The following CRYGS variants were observed in gnomAD, a reference collection of about 807,000 sequenced individuals.
CRYGS encodes the protein gamma-crystallin S.
Under a neutral mutation model 21.3 loss-of-function variants are expected in CRYGS, and 13 were observed. The ratio of observed to expected loss-of-function variants is 0.61; its 90% confidence interval spans 0.40 to 0.97. The LOEUF (loss-of-function observed/expected upper bound fraction) is 0.97, where lower values mean the gene tolerates loss of function less well. Among genes scored for constraint, CRYGS ranks in the 50% least tolerant of loss-of-function variants. The pLI, the probability that CRYGS is intolerant of heterozygous loss-of-function variation, is 0.00. For synonymous variants in CRYGS, 67 were observed against 75.0 expected (o/e 0.89, Z 0.55); for missense variants, 205 against 229.7 (o/e 0.89, Z 0.69).
intron 1 of CRYGS, among the ~76,000 whole-genome samples, chr3:186,542,266 C>T (rs1714087701): frequency 6.6e-6 from 1 of 152,184 alleles, no homozygotes. Context: ...TACTGAGCTC[C>T]AAGACTAAGC....
chr3:186,543,196 G>A (rs779060983), intron 1 of CRYGS, among the ~76,000 whole-genome samples: 8 of 152,032 alleles, frequency 5.3e-5, no homozygotes, highest in Non-Finnish European at 1.2e-4. Context: ...AACAAAAAGG[G>A]TAGAGGGACA....
In CRYGS at chr3:186,539,505, G is replaced by A; in HGVS notation, c.114C>T (p.Asn38=). 1.2e-6 allele frequency: 2 copies of A among 1,613,960 alleles called. No homozygotes were observed. The highest frequency in any genetic ancestry group is 2.2e-5 in the South Asian group (2 of 91,076). The part of the protein sequence containing the change: ...ADFHTYLSRC[N]SIKVEGGTWA... ...AGGTGCCTCCTTCCACTTTAATGGA[G>A]TTGCAGCGACTTAGGTATGTGTGGA... Residue 38 remains asparagine, a synonymous_variant, in exon 2 of 3, where the codon AAC becomes AAT. Transcript: ENST00000307944.
In CRYGS at chr3:186,539,109, A is replaced by G. The variant is rs929318037; in HGVS notation, c.265-141T>C. 44 of 1,142,074 alleles carry G rather than the reference A, an allele frequency of 3.9e-5. 1 individual carries two copies. The highest frequency in any genetic ancestry group is 5.1e-5 in the Non-Finnish European group (41 of 797,986). The allele number at this position is 1,142,074 out of a possible 1,614,324, so 70.7% of individuals were successfully genotyped here. A position where few individuals can be genotyped will look rare whatever the true frequency, so the allele number is the denominator to read the frequency against. ...CTCCCATCTCACCATGTACTGACTA[A>G]AACAGCTAACTTTCAATAAGAAAAA... On this transcript the variant is annotated intron_variant, in intron 2 of 2. Coordinates refer to ENST00000307944, the MANE Select transcript of CRYGS (RefSeq NM_017541.4).
Position 186,538,607 on chromosome 3 carries a change from A to T in CRYGS, c.*89T>A. The T allele has an allele frequency of 6.5e-7, 1 of 1,536,802 alleles. No individual in the cohort carries two copies. Among genetic ancestry groups the T allele is most frequent in the Non-Finnish European group, 9.0e-7 (1 of 1,112,878 alleles). On this transcript the variant is annotated 3_prime_UTR_variant, in exon 3 of 3. Transcript: ENST00000307944. ...GGCATTATAGTCAGCAGTGGGATGC[A>T]TGCCAACTGTTTTATTGATGATGCC...
In CRYGS at chr3:186,544,294, A is replaced by ATG. The variant is rs1714138620; in HGVS notation, c.21+10_21+11dup. On this transcript the variant is annotated intron_variant, in intron 1 of 2. Coordinates refer to ENST00000307944, the MANE Select transcript of CRYGS (RefSeq NM_017541.4). ...AAAAGCGGGTAGGCTAAAAATCAAT[A>ATG]TGACTACTTACCTTGGTTCCAGTTT... The ATG allele has an allele frequency of 6.3e-7, 1 of 1,594,178 alleles. No individual in the cohort carries two copies. Among genetic ancestry groups the ATG allele is most frequent in the African/African-American group, 1.3e-5 (1 of 74,458 alleles).
At chr3:186,539,198 G>A (rs1323761209) in intron 2 of CRYGS, among the ~76,000 whole-genome samples, 157 bp downstream of exon 2, 1 of 152,220 alleles carries the variant, frequency 6.6e-6, no homozygotes, top group South Asian at 2.1e-4. Context: ...AGTCATTCTA[G>A]TGATGAGCTG....
chr3:186,541,980 T>A (rs1209779750), intron 1 of CRYGS, among the ~76,000 whole-genome samples: 3 of 152,254 alleles, frequency 2.0e-5, no homozygotes, highest in African/African-American at 7.2e-5. Flanking sequence ...TTAATTCATA[T>A]GTTCTATTTG....
rs971645842 is a variant in CRYGS, at chr3:186,538,705, A to T, written c.528T>A (p.Ile176=). 24 of 1,614,130 alleles carry T rather than the reference A, an allele frequency of 1.5e-5. No individual in the cohort carries two copies. The highest frequency in any genetic ancestry group is 2.0e-5 in the Non-Finnish European group (24 of 1,180,000). The change falls in exon 3 of 3, where the codon ATT becomes ATA. Residue 176 remains isoleucine, a synonymous_variant. Transcript: ENST00000307944. ...ASPAVQSFRR[I]VE ...GGCCCCATTCATGTCATTACTCCACAATGCGGCGGAAAGACTGGACAGCTG... is the reference window on the plus strand; with the variant it reads ...GGCCCCATTCATGTCATTACTCCACTATGCGGCGGAAAGACTGGACAGCTG...
intron 1 of CRYGS, 165 bp from the exon 2 acceptor site, chr3:186,539,762 T>G: frequency 1.3e-6 from 1 of 761,132 alleles, no homozygotes; most frequent in Non-Finnish European, 2.1e-6. Context: ...GACAGACAAC[T>G]TCAGTTGTCA....
Position 186,539,565 on chromosome 3 carries a change from G to A in CRYGS, c.54C>T (p.Gly18=). Residue 18 remains glycine, a synonymous_variant, in exon 2 of 3, where the codon GGC becomes GGT. Coordinates refer to ENST00000307944, the MANE Select transcript of CRYGS (RefSeq NM_017541.4). ...AGTCGCAATCACAGTCATAGCGACG[G>A]CCTTGAAAATTTTTGTCTTCATAGA... is the stretch of plus-strand genomic sequence containing the variant. ...ITFYEDKNFQ[G]RRYDCDCDCA... 6.2e-7 allele frequency: 1 copy of A among 1,614,112 alleles called. No individual in the cohort carries two copies. The highest frequency in any genetic ancestry group is 8.5e-7 in the Non-Finnish European group (1 of 1,180,010).
intron 1 of CRYGS, chr3:186,540,293 T>C (rs1056119735): frequency 6.6e-6 from 1 of 152,624 alleles, no homozygotes; most frequent in African/African-American, 2.4e-5. Context: ...CTGAAAAATA[T>C]GCAGCCCTGT....
rs778788872 is a variant in CRYGS at position 186,538,961 on chromosome 3, C to A, written c.272G>T (p.Gly91Val). The A allele has an allele frequency of 3.1e-6, 5 of 1,613,850 alleles. No homozygotes were observed. The African/African-American group carries it at 6.7e-5, about 22-fold the overall frequency. ...AAAGATCTGAATCTTATACTGGCCTCCACTAGGCTGAAAAGACACAGGAGA... is the reference window on the plus strand; with the variant it reads ...AAAGATCTGAATCTTATACTGGCCTACACTAGGCTGAAAAGACACAGGAGA... The part of the protein sequence containing the change: ...SSCRAVHLPS[G>V]GQYKIQIFEK... Residue 91 changes from glycine to valine, a missense_variant, in exon 3 of 3, where the codon GGA becomes GTA. Gly to Val is a moderately radical substitution (Grantham distance 109). Transcript: ENST00000307944.
chr3:186,538,897 G>T lies in CRYGS; in HGVS notation c.336C>A (p.Thr112=). ...GCTCCATGATGGAAGGGCAATCTTC[G>T]GTGGTTTCATACATCTGACCACTAA... ...GDFSGQMYET[T]EDCPSIMEQF... is the part of the protein sequence containing the mutation. The change falls in exon 3 of 3, where the codon ACC becomes ACA. Residue 112 remains threonine, a synonymous_variant. Coordinates refer to ENST00000307944, the MANE Select transcript of CRYGS (RefSeq NM_017541.4). 1.9e-6 allele frequency: 3 copies of T among 1,614,070 alleles called. No individual in the cohort carries two copies. The highest frequency in any genetic ancestry group is 2.5e-6 in the Non-Finnish European group (3 of 1,179,984).
Position 186,538,767 on chromosome 3 carries a change from CCTT to C in CRYGS, c.463_465del (p.Lys155del). The C allele has an allele frequency of 6.2e-7, 1 of 1,614,160 alleles. No homozygotes were observed. On this transcript the variant is annotated inframe_deletion, in exon 3 of 3. Coordinates refer to ENST00000307944, the MANE Select transcript of CRYGS (RefSeq NM_017541.4). ...CCCCAATCGATGGGCTTCCGGTACT[CCTT>C]CTTGTCCAGGAGGTACTGCCTGCCA...
At chr3:186,540,835 A>G (rs1714048371) in intron 1 of CRYGS, 1 of 273,902 alleles carries the variant, frequency 3.7e-6, no homozygotes, top group African/African-American at 2.3e-5. Context: ...GAGGCAAATG[A>G]AAAGGAACAA....
rs868357427 is a variant in CRYGS, at chr3:186,538,523, G to A, written c.*173C>T. The A allele has an allele frequency of 5.1e-5, 37 of 732,460 alleles. No individual in the cohort carries two copies. The highest frequency in any genetic ancestry group is 7.2e-5 in the Non-Finnish European group (32 of 444,236). 45.4% of individuals were successfully genotyped at this position (732,460 alleles called of 1,614,324 possible). A position where few individuals can be genotyped will look rare whatever the true frequency, so the allele number is the denominator to read the frequency against. ...GGTGATCTGGCAGATGGGTAGCTTT[G>A]TGTGACTGCCCACTGTGGCGAGCAC... is the stretch of plus-strand genomic sequence containing the variant. On this transcript the variant is annotated 3_prime_UTR_variant, in exon 3 of 3. Transcript: ENST00000307944.
intron 1 of CRYGS, among the ~76,000 whole-genome samples, chr3:186,541,462 C>A (rs957548975): frequency 3.9e-5 from 6 of 152,016 alleles, no homozygotes; most frequent in African/African-American, 1.4e-4. Context: ...CCTCAGTTTA[C>A]GGATGAAGAA....
chr3:186,543,295 G>A (rs577055898), intron 1 of CRYGS, among the ~76,000 whole-genome samples: 7 of 152,176 alleles, frequency 4.6e-5, no homozygotes, highest in African/African-American at 1.7e-4. Flanking sequence ...CTGTATTAGG[G>A]GAAAAGTCCA....
intron 1 of CRYGS, chr3:186,539,827 C>T: frequency 2.0e-6 from 1 of 506,796 alleles, no homozygotes; most frequent in African/African-American, 1.9e-5. Context: ...CAGAAGAGGG[C>T]TCTAATAGAA....
Sources: allele counts gnomAD v4.1 joint callset (sites outside exome capture counted in the v4.1 genomes callset), GRCh38; gene constraint gnomAD v4.1.1; transcripts MANE v1.5; gene names NCBI Gene and HGNC (gene_info 2026-07-23, HGNC 2026-07-21).